The following GOLPH3L variants were observed in gnomAD, a reference collection of about 807,000 sequenced individuals.
The protein encoded by GOLPH3L is golgi phosphoprotein 3 like, also known as Golgi phosphoprotein 3-like.
In GOLPH3L, 22 loss-of-function variants were observed where a neutral mutation model predicts 30.3. That is an observed-to-expected ratio of 0.73 (90% CI 0.52 to 1.04). The LOEUF is 1.04. GOLPH3L is among the 50% of genes least tolerant of loss of function. The pLI, the probability that GOLPH3L is intolerant of heterozygous loss-of-function variation, is 0.00. For synonymous variants in GOLPH3L, 120 were observed against 128.2 expected, an observed-to-expected ratio of 0.94 and a Z score of 0.43; for missense variants, 303 against 345.8, an observed-to-expected ratio of 0.88 and a Z score of 0.98.
chr1:150,691,029 CACGCTTGT>C (rs992239334), intron 2 of GOLPH3L, among the ~76,000 whole-genome samples: 2 of 152,160 alleles, frequency 1.3e-5, no homozygotes, highest in African/African-American at 4.8e-5. Context: ...TGCAGTGGCT[CACGCTTGT>C]AATCCCAGCA....
At position 150,661,772 on chromosome 1, in the gene GOLPH3L, T is replaced by C. The variant is rs1384168489; in HGVS notation, c.430+42A>G. On this transcript the variant is annotated intron_variant, in intron 4 of 4. Transcript: ENST00000271732. ...ACTAAATTTCAGGGTAGGATAAAGA[T>C]AACAAAGTGTGAAATTCATATATTA... 4.5e-6 allele frequency: 4 copies of C among 896,476 alleles called. No homozygotes were observed. The East Asian group carries it at 7.2e-5, about 16-fold the overall frequency. The allele number at this position is 896,476 out of a possible 1,614,324, so 55.5% of individuals were successfully genotyped here.
At chr1:150,651,768 A>G (rs1026275578) in intron 4 of GOLPH3L, among the ~76,000 whole-genome samples, 1 of 152,018 alleles carries the variant, frequency 6.6e-6, no homozygotes, top group African/African-American at 2.4e-5. Flanking sequence ...ATTATGTAAT[A>G]TGAAGAACAA....
intron 2 of GOLPH3L, among the ~76,000 whole-genome samples, chr1:150,671,806 CAAAAAAAAAAAAA>C (rs397793655): frequency 4.2e-5 from 2 of 47,176 alleles, no homozygotes; most frequent in Admixed American, 2.7e-4. Context: ...AACTCCGTCT[CAAAAAAAAAAAAA>C]AAAAAAAAAG....
At chr1:150,688,789 G>A (rs1260734460) in intron 2 of GOLPH3L, among the ~76,000 whole-genome samples, 1 of 152,028 alleles carries the variant, frequency 6.6e-6, no homozygotes, top group Non-Finnish European at 1.5e-5. Context: ...ATCACCTCCT[G>A]TAAGTCTTTC....
chr1:150,669,406 GTATC>G (rs1650589156), intron 2 of GOLPH3L, among the ~76,000 whole-genome samples: 1 of 152,148 alleles, frequency 6.6e-6, no homozygotes, highest in African/African-American at 2.4e-5. Context: ...TCCTCTTAGT[GTATC>G]TATCTAACTT....
chr1:150,683,531 C>CAA (rs35646727), intron 2 of GOLPH3L, among the ~76,000 whole-genome samples: 24,923 of 55,306 alleles, frequency 0.45, 6,350 homozygotes, highest in Non-Finnish European at 0.56. Context: ...GACTCTGTCT[C>CAA]AAAAAAAAAA....
Position 150,694,775 on chromosome 1 carries a change from C to T in GOLPH3L, c.64G>A (p.Glu22Lys), listed in dbSNP as rs779416527. The T allele has an allele frequency of 7.3e-5, 117 of 1,612,812 alleles. 1 individual carries two copies. The South Asian group carries it at 1.2e-3, about 16-fold the overall frequency. Reference sequence around the variant, plus strand: ...TCCCAATTACTGTCTTCCTCACTTTCCATCTTCTTTTCAGAGTTCTTGCTT... The same window carrying T: ...TCCCAATTACTGTCTTCCTCACTTTTCATCTTCTTTTCAGAGTTCTTGCTT... The part of the protein sequence containing the change: ...EISKNSEKKM[E>K]SEEDSNWEKS... The change falls in exon 2 of 5, where the codon GAA becomes AAA. Residue 22 changes from glutamate (E) to lysine (K), a missense_variant. Transcript: ENST00000271732.
At chr1:150,679,931 C>G (rs1426348511) in intron 2 of GOLPH3L, among the ~76,000 whole-genome samples, 1 of 152,062 alleles carries the variant, frequency 6.6e-6, no homozygotes, top group African/African-American at 2.4e-5. Flanking sequence ...ACAGTGAAAC[C>G]CTGTCTCTAT....
At chr1:150,680,030 G>C (rs1002594604) in intron 2 of GOLPH3L, among the ~76,000 whole-genome samples, 2 of 152,146 alleles carry the variant, frequency 1.3e-5, no homozygotes, top group African/African-American at 4.8e-5. Context: ...TTAAGAGCTA[G>C]ACTCCACAGA....
At chr1:150,665,493 T>C (rs1022519137) in intron 2 of GOLPH3L, among the ~76,000 whole-genome samples, 19 of 152,118 alleles carry the variant, frequency 1.2e-4, no homozygotes, top group Admixed American at 1.2e-3. Context: ...CACCTAGCTA[T>C]AATAACTATT....
chr1:150,653,439 A>G (rs1650172497), intron 4 of GOLPH3L, among the ~76,000 whole-genome samples: 1 of 146,644 alleles, frequency 6.8e-6, no homozygotes, highest in Admixed American at 7.0e-5. Flanking sequence ...TTTACTGGAG[A>G]AAGACTTGAA....
intron 2 of GOLPH3L, among the ~76,000 whole-genome samples, chr1:150,693,797 ATGTGTG>A (rs796936730): frequency 1.6e-4 from 10 of 60,970 alleles, no homozygotes; most frequent in African/African-American, 4.4e-4. Flanking sequence ...TTGTTTATGT[ATGTGTG>A]TGTGTGTGTG....
At chr1:150,684,892 TCCTGACCTCAGGTGATCCAC>T (rs1388704047) in intron 2 of GOLPH3L, among the ~76,000 whole-genome samples, 1 of 152,118 alleles carries the variant, frequency 6.6e-6, no homozygotes, top group Non-Finnish European at 1.5e-5. Context: ...GGTCTCAAAT[TCCTGACCTCAGGTGATCCAC>T]CCGCCTCGGC....
At chr1:150,654,153 T>C (rs1388483907) in intron 4 of GOLPH3L, among the ~76,000 whole-genome samples, 1 of 151,922 alleles carries the variant, frequency 6.6e-6, no homozygotes, top group African/African-American at 2.4e-5. Flanking sequence ...AATAAAGAGA[T>C]AGAGAAAGGG....
intron 2 of GOLPH3L, among the ~76,000 whole-genome samples, chr1:150,681,979 T>C (rs1037882646): frequency 6.6e-6 from 1 of 151,936 alleles, no homozygotes; most frequent in African/African-American, 2.4e-5. Flanking sequence ...GGCATGAGAA[T>C]TGCTTGAACT....
At chr1:150,692,970 A>G (rs1651246409) in intron 2 of GOLPH3L, among the ~76,000 whole-genome samples, 1 of 152,184 alleles carries the variant, frequency 6.6e-6, no homozygotes, top group African/African-American at 2.4e-5. Context: ...AACGTCTCAA[A>G]AGAGTATTTA....
In GOLPH3L at chr1:150,690,916, T is replaced by TA. The variant is rs902021213; in HGVS notation, c.183+3739dup. Among the ~76,000 whole-genome samples the TA allele has an allele frequency of 5.5e-4, 84 of 152,174 alleles. 1 individual carries two copies. The East Asian group carries it at 0.011, about 19-fold the overall frequency. ...ACTTGCTTTTTATTGTTGTTTACTT[T>TA]AAAAAAAATATTTTGCATTGTGAAA... On this transcript the variant is annotated intron_variant, in intron 2 of 4. Transcript: ENST00000271732.
chr1:150,670,134 C>T (rs1001550408), intron 2 of GOLPH3L, among the ~76,000 whole-genome samples: 2 of 150,370 alleles, frequency 1.3e-5, no homozygotes, highest in African/African-American at 4.9e-5. Flanking sequence ...TGGTGGTAGA[C>T]GCCTGTAATC....
intron 4 of GOLPH3L, among the ~76,000 whole-genome samples, chr1:150,657,765 G>A (rs1412922342): frequency 6.6e-6 from 1 of 152,212 alleles, no homozygotes; most frequent in Non-Finnish European, 1.5e-5. Context: ...ACAAGCCACA[G>A]TGGAAAGAAT....
Sources: gnomAD v4.1 joint callset for allele counts (sites outside exome capture counted in the v4.1 genomes callset) on GRCh38, gnomAD v4.1.1 for gene constraint, MANE v1.5 for transcripts, NCBI Gene and HGNC (gene_info 2026-07-23, HGNC 2026-07-21) for gene names.